Variants in VTA1 observed in about 807,000 individuals in gnomAD.
VTA1 encodes the protein vesicle trafficking 1, also known as vacuolar protein sorting-associated protein VTA1 homolog.
A neutral mutation model predicts 36.9 loss-of-function variants in VTA1; 24 were observed. That is an observed-to-expected ratio of 0.65 (90% CI 0.47 to 0.91). The LOEUF is 0.91. VTA1 is among the 40% of genes least tolerant of loss of function. VTA1 has a pLI of 0.00. For missense variants in VTA1, 393 were observed against 377.2 expected (o/e 1.04, Z -0.35); for synonymous variants, 142 against 130.2 (o/e 1.09, Z -0.62).
chr6:142,214,709 A>G (rs982917614), intron 7 of VTA1, among the ~76,000 whole-genome samples: 1 of 152,226 alleles, frequency 6.6e-6, no homozygotes, highest in Admixed American at 6.5e-5. Flanking sequence ...GGATCAATGC[A>G]GGTTCATCGA....
In VTA1 at chr6:142,169,639, G is replaced by C. The variant is rs777001457; in HGVS notation, c.297G>C (p.Leu99Phe). The change falls in exon 3 of 8, where the codon TTG becomes TTC. Residue 99 changes from leucine (L) to phenylalanine (F), a missense_variant. Coordinates refer to ENST00000367630, the MANE Select transcript of VTA1 (RefSeq NM_016485.5). ...HLENYALKMF[L>F]YADNEDRAGR... ...AGAATTATGCTTTGAAAATGTTTTTGTATGCAGACAATGAAGATCGTGCTG... is the reference window on the plus strand; with the variant it reads ...AGAATTATGCTTTGAAAATGTTTTTCTATGCAGACAATGAAGATCGTGCTG... 1.2e-6 allele frequency: 2 copies of C among 1,609,046 alleles called. No individual in the cohort carries two copies. The highest frequency in any genetic ancestry group is 1.7e-6 in the Non-Finnish European group (2 of 1,178,876).
chr6:142,179,310 T>A (rs1438108321), intron 4 of VTA1, among the ~76,000 whole-genome samples: 1 of 152,124 alleles, frequency 6.6e-6, no homozygotes, highest in Non-Finnish European at 1.5e-5. Flanking sequence ...GGAAAAGAGT[T>A]GGTCATTTTT....
At chr6:142,204,181 T>C (rs771047055) in intron 7 of VTA1, 116 bp downstream of exon 7, 4 of 918,146 alleles carry the variant, frequency 4.4e-6, no homozygotes, top group Non-Finnish European at 6.7e-6. Flanking sequence ...TTTGAATTTC[T>C]AGGTAATTTG....
At chr6:142,155,482 A>T (rs225634) in intron 1 of VTA1, among the ~76,000 whole-genome samples, 51,653 of 152,024 alleles carry the variant, frequency 0.34, 10,403 homozygotes, top group Middle Eastern at 0.52. Context: ...TTGTTTAAAC[A>T]TTACAAAGCA....
Position 142,171,410 on chromosome 6 carries a change from T to C in VTA1, c.411+989T>C, listed in dbSNP as rs576392761. Among the ~76,000 whole-genome samples, 24 of 152,200 alleles carry C rather than the reference T, an allele frequency of 1.6e-4. No individual in the cohort carries two copies. The South Asian group carries it at 3.9e-3, about 25-fold the overall frequency. The stretch of plus-strand genomic sequence containing the variant: ...ACACTGGGACTGGAGGTAGAATCTT[T>C]TTATGACTTTTTTTCTGTTTAATTT... On this transcript the variant is annotated intron_variant, in intron 4 of 7. Coordinates refer to ENST00000367630, the MANE Select transcript of VTA1 (RefSeq NM_016485.5).
chr6:142,156,716 C>T (rs902032381), intron 1 of VTA1, among the ~76,000 whole-genome samples: 6 of 152,080 alleles, frequency 3.9e-5, no homozygotes, highest in African/African-American at 1.4e-4. Context: ...TTGATATCAT[C>T]ATCAGAAAAT....
Position 142,218,863 on chromosome 6 carries a change from G to A in VTA1, c.*220G>A, listed in dbSNP as rs1273334843. The A allele has an allele frequency of 2.4e-6, 1 of 422,990 alleles. No homozygotes were observed. The highest frequency in any genetic ancestry group is 4.0e-6 in the Non-Finnish European group (1 of 247,900). The allele number at this position is 422,990 out of a possible 1,614,324, so 26.2% of individuals were successfully genotyped here. A position where few individuals can be genotyped will look rare whatever the true frequency, so the allele number is the denominator to read the frequency against. ...ATTCAATCGTCTCTGAGTATATAGGGCTGATGTTAGCAAGACCCTAAAAAT... is the reference window on the plus strand; with the variant it reads ...ATTCAATCGTCTCTGAGTATATAGGACTGATGTTAGCAAGACCCTAAAAAT... On this transcript the variant is annotated 3_prime_UTR_variant, in exon 8 of 8. Coordinates refer to ENST00000367630, the MANE Select transcript of VTA1 (RefSeq NM_016485.5).
intron 1 of VTA1, among the ~76,000 whole-genome samples, chr6:142,155,207 C>T (rs1778641809): frequency 6.6e-6 from 1 of 152,054 alleles, no homozygotes; most frequent in Admixed American, 6.5e-5. Context: ...CAAATGAGTA[C>T]GCGTTCAGAT....
chr6:142,176,998 A>G (rs1458626694), intron 4 of VTA1, among the ~76,000 whole-genome samples: 1 of 149,648 alleles, frequency 6.7e-6, no homozygotes, highest in Non-Finnish European at 1.5e-5. Flanking sequence ...GCAACATCTT[A>G]TTATTAGCCT....
At chr6:142,172,244 C>T (rs1202385288) in intron 4 of VTA1, among the ~76,000 whole-genome samples, 2 of 152,090 alleles carry the variant, frequency 1.3e-5, no homozygotes, top group African/African-American at 2.4e-5. Context: ...CTCCTGACCT[C>T]GTGATCCACC....
In VTA1 at chr6:142,147,318, C is replaced by A; in HGVS notation, c.31C>A (p.Pro11Thr). 6.2e-7 allele frequency: 1 copy of A among 1,614,208 alleles called. No individual in the cohort carries two copies. MAALAPLPPL[P>T]AQFKSIQHHL... is the part of the protein sequence containing the mutation. ...CGCGCTTGCACCGCTGCCCCCGCTC[C>A]CCGCACAGTTCAAGAGCATACAGCA... The change falls in exon 1 of 8, where the codon CCC (proline) becomes ACC (threonine). Residue 11 changes from proline to threonine, a missense_variant. By Grantham distance (38) the Pro-to-Thr change is conservative. Transcript: ENST00000367630.
Position 142,189,850 on chromosome 6 carries a change from A to G in VTA1, c.520+316A>G, listed in dbSNP as rs539775399. The stretch of plus-strand genomic sequence containing the variant: ...CTGCTCACTGGGAGCTCCGCCTCGC[A>G]GGTTCATGCCATTCTCCTGCCTCAG... On this transcript the variant is annotated intron_variant, in intron 5 of 7. Transcript: ENST00000367630. Among the ~76,000 whole-genome samples the G allele has an allele frequency of 1.1e-4, 17 of 151,946 alleles. No individual in the cohort carries two copies. In the South Asian group the frequency reaches 3.3e-3, roughly 30 times the overall value.
chr6:142,193,748 CT>C lies in VTA1; in HGVS notation c.520+4219del, dbSNP rs745611180. On this transcript the variant is annotated intron_variant, in intron 5 of 7. Transcript: ENST00000367630. Reference sequence around the variant, plus strand: ...ATACAGCTATTGATCTGGCCAGTGCCTTTTTCTTCATACCTGTCCATAAGGT... The same window carrying C: ...ATACAGCTATTGATCTGGCCAGTGCCTTTTCTTCATACCTGTCCATAAGGT... 3.2e-4 allele frequency among the ~76,000 whole-genome samples: 48 copies of C among 151,634 alleles called. 1 individual carries two copies. Among genetic ancestry groups the C allele is most frequent in the African/African-American group, 1.7e-4 (7 of 41,316 alleles).
chr6:142,185,143 G>GT (rs1463523648), intron 4 of VTA1, among the ~76,000 whole-genome samples: 3 of 151,840 alleles, frequency 2.0e-5, no homozygotes, highest in Non-Finnish European at 4.4e-5. Flanking sequence ...ACCTTATTCT[G>GT]TTTTTTCTTT....
intron 1 of VTA1, among the ~76,000 whole-genome samples, chr6:142,157,093 G>A (rs1778676233): frequency 6.6e-6 from 1 of 152,230 alleles, no homozygotes; most frequent in African/African-American, 2.4e-5. Flanking sequence ...GAACCCAGGA[G>A]GCAGAGGTGG....
At chr6:142,193,998 C>G (rs1387996303) in intron 5 of VTA1, among the ~76,000 whole-genome samples, 2 of 152,084 alleles carry the variant, frequency 1.3e-5, no homozygotes, top group East Asian at 3.9e-4. Context: ...GAGACATTTG[C>G]TTCTCAGAGA....
chr6:142,162,556 T>G (rs1431294787), intron 1 of VTA1, among the ~76,000 whole-genome samples: 1 of 152,164 alleles, frequency 6.6e-6, no homozygotes. Flanking sequence ...AAATAGTCAT[T>G]TGGGATGTTG....
chr6:142,186,583 G>A (rs1775343293), intron 4 of VTA1, among the ~76,000 whole-genome samples: 1 of 152,044 alleles, frequency 6.6e-6, no homozygotes. Context: ...GAGAGGCAAA[G>A]TATAGAGAGA....
At chr6:142,193,517 A>G (rs1775492437) in intron 5 of VTA1, among the ~76,000 whole-genome samples, 1 of 152,134 alleles carries the variant, frequency 6.6e-6, no homozygotes, top group African/African-American at 2.4e-5. Context: ...ACTCTATCAT[A>G]AGGATGGACT....
Sources: gnomAD v4.1 joint callset for allele counts (sites outside exome capture counted in the v4.1 genomes callset) on GRCh38, gnomAD v4.1.1 for gene constraint, MANE v1.5 for transcripts, NCBI Gene and HGNC (gene_info 2026-07-23, HGNC 2026-07-21) for gene names.